COL18A1: variants seen among roughly 807,000 people sequenced by gnomAD.
COL18A1 encodes the protein collagen type XVIII alpha 1 chain, also known as collagen alpha-1(XVIII) chain.
Under a neutral mutation model 168.0 loss-of-function variants are expected in COL18A1, and 133 were observed. The ratio of observed to expected loss-of-function variants is 0.79; its 90% CI spans 0.69 to 0.91. The LOEUF is 0.91. Among genes scored for constraint, COL18A1 ranks in the 40% least tolerant of loss-of-function variants. The pLI, the probability that COL18A1 is intolerant of heterozygous loss-of-function variation, is 0.00. For synonymous variants in COL18A1, 949 were observed against 809.0 expected, an observed-to-expected ratio of 1.17 and a Z score of -2.94; for missense variants, 2,126 against 1,925.4, an observed-to-expected ratio of 1.10 and a Z score of -1.95.
chr21:45,416,878 G>T (rs1042449272), intron 2 of COL18A1, among the ~76,000 whole-genome samples: 1 of 152,048 alleles, frequency 6.6e-6, no homozygotes, highest in East Asian at 1.9e-4. Flanking sequence ...TCCTCGTTCT[G>T]CATTTCCTCG....
chr21:45,456,596 A>G (rs1244534051), intron 2 of COL18A1: 18 of 1,541,726 alleles, frequency 1.2e-5, no homozygotes, highest in Admixed American at 9.8e-5. Context: ...CTGGCTGCCC[A>G]ACCACCTCCA....
intron 32 of COL18A1, among the ~76,000 whole-genome samples, chr21:45,503,167 A>C (rs577249131): frequency 6.6e-6 from 1 of 152,296 alleles, no homozygotes; most frequent in South Asian, 2.1e-4. Context: ...CAATGGTTGA[A>C]CTAGTTTACA....
At chr21:45,482,938 C>T in intron 15 of COL18A1, 117 bp downstream of exon 15, 1 of 1,459,916 alleles carries the variant, frequency 6.8e-7, no homozygotes, top group Non-Finnish European at 9.5e-7. Flanking sequence ...TGGGGCTGGC[C>T]TTGACCCCCA....
chr21:45,505,093 G>A, intron 34 of COL18A1, 41 bp from the exon 35 acceptor site: 2 of 1,596,924 alleles, frequency 1.3e-6, no homozygotes, highest in Non-Finnish European at 1.7e-6. Flanking sequence ...CCAGTCCAGG[G>A]CACGAGGTAA....
At chr21:45,411,155 G>A (rs184450640) in intron 2 of COL18A1, among the ~76,000 whole-genome samples, 118 of 152,326 alleles carry the variant, frequency 7.7e-4, no homozygotes, top group Non-Finnish European at 1.4e-3. Flanking sequence ...GGCCTGTGGC[G>A]AAGTCCCAGC....
Position 45,479,918 on chromosome 21 carries a change from A to T in COL18A1, c.1265A>T (p.Gln422Leu). The T allele has an allele frequency of 6.2e-7, 1 of 1,613,606 alleles. No individual in the cohort carries two copies. Among genetic ancestry groups the T allele is most frequent in the Non-Finnish European group, 8.5e-7 (1 of 1,179,906 alleles). ...EDGKPGDTGPQGFPGTPGDVG... is the reference protein window; with the variant it reads ...EDGKPGDTGPLGFPGTPGDVG... ...GTGTTCCAGGGCGACACCGGGCCAC[A>T]AGGCTTCCCCGGGACTCCAGGGGAC... The change falls in exon 10 of 42, where the codon CAA becomes CTA. Residue 422 changes from glutamine to leucine, a missense_variant. By Grantham distance (113) the Gln-to-Leu change is moderately radical (BLOSUM62 -2). Transcript: ENST00000651438.
intron 2 of COL18A1, among the ~76,000 whole-genome samples, chr21:45,455,082 C>G (rs1022685240): frequency 4.6e-5 from 7 of 152,258 alleles, no homozygotes; most frequent in Admixed American, 3.3e-4. Flanking sequence ...TCCCACAACA[C>G]AATGGCTCCA....
At chr21:45,491,829 C>T (rs117268569) in intron 22 of COL18A1, among the ~76,000 whole-genome samples, 2,402 of 152,336 alleles carry the variant, frequency 0.016, 26 homozygotes, top group South Asian at 0.034. Context: ...TCCGCCCAGC[C>T]ACATGGAACA....
intron 3 of COL18A1, among the ~76,000 whole-genome samples, chr21:45,472,178 G>A (rs1427615979): frequency 1.3e-5 from 2 of 151,996 alleles, no homozygotes; most frequent in Non-Finnish European, 2.9e-5. Context: ...GACCACCCAA[G>A]ATGCACCCCC....
intron 2 of COL18A1, among the ~76,000 whole-genome samples, chr21:45,445,839 G>T (rs1456765426): frequency 5.3e-5 from 8 of 152,126 alleles, no homozygotes; most frequent in Non-Finnish European, 2.9e-5. Flanking sequence ...ACATCATCTA[G>T]ATAGAAGTGC....
At chr21:45,492,933 C>T (rs996690355) in intron 24 of COL18A1, among the ~76,000 whole-genome samples, 6 of 152,102 alleles carry the variant, frequency 3.9e-5, no homozygotes, top group African/African-American at 1.2e-4. Flanking sequence ...GCTCCTTGCA[C>T]CTGCAGAGGC....
intron 14 of COL18A1, 62 bp downstream of exon 14, chr21:45,482,087 C>T (rs1237621721): frequency 1.3e-5 from 18 of 1,377,526 alleles, no homozygotes; most frequent in Middle Eastern, 1.8e-4. Flanking sequence ...GGCCCGGGTC[C>T]GGGGGTGCCT....
At chr21:45,450,564 GAAAAT>G (rs1411919796) in intron 2 of COL18A1, among the ~76,000 whole-genome samples, 5 of 152,210 alleles carry the variant, frequency 3.3e-5, no homozygotes, top group African/African-American at 1.2e-4. Context: ...TTTAAAAAAA[GAAAAT>G]AAAAGACCAC....
chr21:45,509,627 G>A (rs2037453043), intron 39 of COL18A1, 26 bp downstream of exon 39: 7 of 1,251,702 alleles, frequency 5.6e-6, no homozygotes, highest in Non-Finnish European at 7.9e-6. Context: ...AAGTGGGCTT[G>A]GCTCCATCTA....
intron 29 of COL18A1, 188 bp downstream of exon 29, chr21:45,495,620 CCAAA>C: frequency 1.7e-6 from 1 of 604,692 alleles, no homozygotes; most frequent in South Asian, 1.8e-5. Flanking sequence ...ACACGTGTGC[CCAAA>C]CATGCATGCA....
rs186302268 is a variant in COL18A1, at chr21:45,463,154, A to T, written c.107-5088A>T. 6.6e-6 allele frequency among the ~76,000 whole-genome samples: 1 copy of T among 152,246 alleles called. No individual in the cohort carries two copies. The highest frequency in any genetic ancestry group is 1.5e-5 in the Non-Finnish European group (1 of 68,052). On this transcript the variant is annotated intron_variant, in intron 2 of 41. Coordinates refer to ENST00000651438, the MANE Select transcript of COL18A1 (RefSeq NM_001379500.1). This position sits in a 1 kb window ranked among gnomAD's most constrained non-coding sequence, Gnocchi z 4.0. The stretch of plus-strand genomic sequence containing the variant: ...TCCCCTTCAAGTCACTTCAGCTGGA[A>T]GGGGCAGCTTGCAACAACAGAGGGA...
Position 45,498,306 on chromosome 21 carries a change from G to A in COL18A1, c.2683+645G>A, listed in dbSNP as rs375869194. On this transcript the variant is annotated intron_variant, in intron 32 of 41. Transcript: ENST00000651438. This position sits in a 1 kb window ranked among gnomAD's most constrained non-coding sequence, Gnocchi z 4.5. ...CCTTTCACCACCAGGGTCCCCTCTCGCCGCCACGGTCCCCTCTCGCCGCCA... is the reference window on the plus strand; with the variant it reads ...CCTTTCACCACCAGGGTCCCCTCTCACCGCCACGGTCCCCTCTCGCCGCCA... The A allele has an allele frequency of 3.6e-4, 249 of 699,314 alleles. No homozygotes were observed. Among genetic ancestry groups the A allele is most frequent in the Middle Eastern group, 2.8e-3 (11 of 3,962 alleles). The allele number at this position is 699,314 out of a possible 1,614,324, so 43.3% of individuals were successfully genotyped here.
chr21:45,480,303 C>T (rs1602497946), intron 11 of COL18A1, 147 bp downstream of exon 11: 1 of 1,343,810 alleles, frequency 7.4e-7, no homozygotes, highest in Non-Finnish European at 1.0e-6. Flanking sequence ...GGTGGGAGCC[C>T]CCATCCACCT....
intron 39 of COL18A1, 38 bp downstream of exon 39, chr21:45,509,639 C>T: frequency 9.1e-7 from 1 of 1,094,158 alleles, no homozygotes; most frequent in Non-Finnish European, 1.3e-6. Context: ...CTCCATCTAG[C>T]CCCTCGGCTC....
Sources: gnomAD v4.1 joint callset for allele counts (sites outside exome capture counted in the v4.1 genomes callset) on GRCh38, gnomAD v4.1.1 for gene constraint, Gnocchi (gnomAD v3.1) non-coding constraint, MANE v1.5 for transcripts, NCBI Gene and HGNC (gene_info 2026-07-23, HGNC 2026-07-21) for gene names.